The following IRAG2 variants were observed in gnomAD, a reference collection of about 807,000 sequenced individuals.
IRAG2 encodes lymphoid restricted membrane protein.
In IRAG2, 45 loss-of-function variants were observed where a neutral mutation model predicts 69.9. That is an observed-to-expected ratio of 0.64 (90% CI 0.51 to 0.83). IRAG2 has a LOEUF of 0.83. Among genes scored for constraint, IRAG2 ranks in the 40% least tolerant of loss-of-function variants. The probability of loss-of-function intolerance (pLI) is 0.00; values close to 1 mark genes in which losing one functional copy is unlikely to be tolerated. For synonymous variants in IRAG2, 193 were observed against 202.4 expected, an observed-to-expected ratio of 0.95 and a Z score of 0.40; for missense variants, 520 against 587.0, an observed-to-expected ratio of 0.89 and a Z score of 1.18.
chr12:25,019,573 T>C (rs575334997), intron 6 of IRAG2, among the ~76,000 whole-genome samples: 11 of 152,312 alleles, frequency 7.2e-5, no homozygotes, highest in African/African-American at 2.6e-4. Flanking sequence ...CTTCTTCTCT[T>C]CTCTCCTTCT....
At chr12:25,091,495 T>C (rs1046440487) in intron 14 of IRAG2, among the ~76,000 whole-genome samples, 2 of 152,198 alleles carry the variant, frequency 1.3e-5, no homozygotes, top group Admixed American at 1.3e-4. Flanking sequence ...TATTCATACA[T>C]CGATGGGCAT....
intron 9 of IRAG2, among the ~76,000 whole-genome samples, chr12:25,080,323 C>A (rs1048192641): frequency 1.4e-4 from 21 of 151,156 alleles, no homozygotes; most frequent in African/African-American, 4.9e-4. Flanking sequence ...AAAAAAAAAT[C>A]AATCAAGGAA....
chr12:25,009,558 C>G (rs2139818578), intron 2 of IRAG2, among the ~76,000 whole-genome samples: 1 of 152,294 alleles, frequency 6.6e-6, no homozygotes, highest in South Asian at 2.1e-4. Context: ...ATATTTGTAT[C>G]TGTCAATTTA....
chr12:25,046,837 T>G (rs1431915997), intron 16 of IRAG2, among the ~76,000 whole-genome samples: 1 of 152,054 alleles, frequency 6.6e-6, no homozygotes, highest in Non-Finnish European at 1.5e-5. Flanking sequence ...ATCCTAAAAC[T>G]TATGGAACCA....
At chr12:25,083,328 T>C (rs959974898) in intron 9 of IRAG2, 95 bp from the exon 10 acceptor site, 1 of 792,138 alleles carries the variant, frequency 1.3e-6, no homozygotes, top group Non-Finnish European at 2.3e-6. Flanking sequence ...CCTTTGTCAG[T>C]TACTGGTCAG....
chr12:25,097,651 G>A (rs1304897109), intron 15 of IRAG2: 1 of 152,116 alleles, frequency 6.6e-6, no homozygotes, highest in Non-Finnish European at 1.5e-5. Flanking sequence ...ATTTTCTTAA[G>A]GAGAAATTTA....
chr12:25,005,533 A>G lies in IRAG2; in HGVS notation c.688+179A>G, dbSNP rs148141588. Reference sequence around the variant, plus strand: ...CTCTGTAGGGCTTGGTTATTTCGTTATAATTTCCCTGTACCTGTTTTGCAT... The same window carrying G: ...CTCTGTAGGGCTTGGTTATTTCGTTGTAATTTCCCTGTACCTGTTTTGCAT... On this transcript the variant is annotated intron_variant, in intron 2 of 38. Transcript: ENST00000636465. Among the ~76,000 whole-genome samples the G allele has an allele frequency of 1.4e-3, 208 of 152,326 alleles. 2 individuals are homozygous for G. The highest frequency in any genetic ancestry group is 2.2e-3 in the Admixed American group (33 of 15,294).
intron 1 of IRAG2, among the ~76,000 whole-genome samples, chr12:25,054,260 A>G (rs1418520545): frequency 6.6e-6 from 1 of 152,160 alleles, no homozygotes; most frequent in African/African-American, 2.4e-5. Flanking sequence ...AGGGCATTGG[A>G]GAAGGTTCCC....
At chr12:25,019,874 C>A (rs955619726) in intron 6 of IRAG2, among the ~76,000 whole-genome samples, 11 of 152,212 alleles carry the variant, frequency 7.2e-5, no homozygotes, top group African/African-American at 2.7e-4. Flanking sequence ...TACTGTAGAA[C>A]AGCACTACTT....
At chr12:25,082,072 A>G (rs905649093) in intron 9 of IRAG2, among the ~76,000 whole-genome samples, 3 of 152,078 alleles carry the variant, frequency 2.0e-5, no homozygotes, top group Non-Finnish European at 4.4e-5. Flanking sequence ...TTAAAAAAAA[A>G]TTGTGAAGAT....
At chr12:25,013,478 CAAAACA>C (rs895441871) in intron 3 of IRAG2, among the ~76,000 whole-genome samples, 1 of 151,602 alleles carries the variant, frequency 6.6e-6, no homozygotes, top group Admixed American at 6.6e-5. Context: ...GCCCTGTCTC[CAAAACA>C]AAAACAAAAG....
intron 20 of IRAG2, 56 bp from the exon 21 acceptor site, chr12:25,106,887 A>G: frequency 1.4e-6 from 1 of 729,344 alleles, no homozygotes; most frequent in Non-Finnish European, 2.1e-6. Context: ...TATTTTATGA[A>G]TAATTATAGC....
chr12:25,013,198 C>T (rs922660288), intron 3 of IRAG2, among the ~76,000 whole-genome samples: 1 of 151,950 alleles, frequency 6.6e-6, no homozygotes, highest in Non-Finnish European at 1.5e-5. Context: ...CAGTCTTGGC[C>T]GGGGGTGGTG....
intron 16 of IRAG2, chr12:25,101,835 C>CT: frequency 4.3e-6 from 2 of 465,466 alleles, no homozygotes; most frequent in Non-Finnish European, 8.3e-6. Context: ...ACAATATGAA[C>CT]TTTTCTGAGC....
intron 1 of IRAG2, 109 bp from the exon 2 acceptor site, chr12:25,061,483 C>T (rs1945635690): frequency 7.6e-6 from 3 of 394,890 alleles, no homozygotes; most frequent in Non-Finnish European, 1.3e-5. Context: ...TGAGATCATG[C>T]CACTGCACTC....
At position 25,107,926 on chromosome 12, in the gene IRAG2, A is replaced by C. The variant is rs1423053065; in HGVS notation, c.1366A>C (p.Ser456Arg). The C allele has an allele frequency of 6.2e-7, 1 of 1,614,154 alleles. No individual in the cohort carries two copies. Among genetic ancestry groups the C allele is most frequent in the Non-Finnish European group, 8.5e-7 (1 of 1,180,032 alleles). Residue 456 changes from serine to arginine, a missense_variant, in exon 22 of 22, where the codon AGC becomes CGC. Coordinates refer to ENST00000556887, the MANE Select transcript of IRAG2 (RefSeq NM_001366544.2). ...AFIVLFAALMSFLTGQLFQKS... is the reference protein window; with the variant it reads ...AFIVLFAALMRFLTGQLFQKS... ...CATTGTACTGTTTGCAGCTTTGATGAGCTTCCTCACAGGCCAATTATTCCA... is the reference window on the plus strand; with the variant it reads ...CATTGTACTGTTTGCAGCTTTGATGCGCTTCCTCACAGGCCAATTATTCCA...
At chr12:25,038,160 A>T in intron 16 of IRAG2, 1 of 398,706 alleles carries the variant, frequency 2.5e-6, no homozygotes, top group Non-Finnish European at 4.4e-6. Flanking sequence ...TATATATAAG[A>T]AATCCATGCT....
upstream of IRAG2, among the ~76,000 whole-genome samples, chr12:25,048,985 G>T (rs1259021567): frequency 6.6e-6 from 1 of 152,160 alleles, no homozygotes; most frequent in Non-Finnish European, 1.5e-5. Flanking sequence ...CATGTAGCTA[G>T]CCAGTTCTCC....
In IRAG2 at chr12:25,108,027, C is replaced by T. The variant is rs369048485; in HGVS notation, c.1467C>T (p.Thr489=). ...TSLEHILWPF[T]RLRHNGPPPV is the part of the protein sequence containing the mutation. ...TAGAACATATCTTGTGGCCATTTAC[C>T]AGACTCCGACACAATGGGCCACCAC... The change falls in exon 22 of 22, where the codon ACC becomes ACT. Residue 489 remains threonine (T), a synonymous_variant. Transcript: ENST00000556887. 78 of 1,613,942 alleles carry T rather than the reference C, an allele frequency of 4.8e-5. No homozygotes were observed. Among genetic ancestry groups the T allele is most frequent in the Non-Finnish European group, 4.6e-5 (54 of 1,179,998 alleles).
Sources: allele counts gnomAD v4.1 joint callset (sites outside exome capture counted in the v4.1 genomes callset), GRCh38; gene constraint gnomAD v4.1.1; transcripts MANE v1.5; gene names NCBI Gene and HGNC (gene_info 2026-07-23, HGNC 2026-07-21).